Variants in ATG16L1 observed in about 807,000 individuals in gnomAD.
ATG16L1 encodes autophagy related 16 like 1.
In ATG16L1, 37 loss-of-function variants were observed where a neutral mutation model predicts 88.5. The observed-to-expected ratio is 0.42, with a 90% CI of 0.32 to 0.55. The LOEUF is 0.55. Among genes scored for constraint, ATG16L1 ranks in the 20% least tolerant of loss-of-function variants. The probability of loss-of-function intolerance (pLI) is 0.13; values close to 1 mark genes in which losing one functional copy is unlikely to be tolerated. For missense variants in ATG16L1, 554 were observed against 752.8 expected, an observed-to-expected ratio of 0.74 and a Z score of 3.09; for synonymous variants, 301 against 281.0, an observed-to-expected ratio of 1.07 and a Z score of -0.71.
intron 1 of ATG16L1, among the ~76,000 whole-genome samples, chr2:233,254,808 G>A (rs1244030957): frequency 6.6e-6 from 1 of 152,062 alleles, no homozygotes; most frequent in African/African-American, 2.4e-5. Context: ...CAAAAAGTGG[G>A]ACTCAAAACT....
At chr2:233,253,385 C>T (rs1194279978) in intron 1 of ATG16L1, among the ~76,000 whole-genome samples, 1 of 125,600 alleles carries the variant, frequency 8.0e-6, no homozygotes, top group Non-Finnish European at 1.6e-5. Context: ...TGCTCTGTCA[C>T]CTAGGCTGGA....
chr2:233,266,945 G>A (rs1201565775), intron 5 of ATG16L1, among the ~76,000 whole-genome samples: 1 of 152,206 alleles, frequency 6.6e-6, no homozygotes, highest in Non-Finnish European at 1.5e-5. Flanking sequence ...TAGAGATACA[G>A]AGTATAACTG....
At chr2:233,276,728 C>T (rs137870457) in intron 9 of ATG16L1, among the ~76,000 whole-genome samples, 19 of 152,342 alleles carry the variant, frequency 1.2e-4, no homozygotes, top group Non-Finnish European at 2.4e-4. Context: ...CTGCCCACCT[C>T]GGTCTCCCGA....
At position 233,273,763 on chromosome 2, in the gene ATG16L1, C is replaced by T; in HGVS notation, c.837C>T (p.Ile279=). 1.2e-6 allele frequency: 2 copies of T among 1,614,168 alleles called. No individual in the cohort carries two copies. Among genetic ancestry groups the T allele is most frequent in the Non-Finnish European group, 1.7e-6 (2 of 1,179,988 alleles). The change falls in exon 8 of 18, where the codon ATC becomes ATT. Residue 279 remains isoleucine (I), a synonymous_variant. Transcript: ENST00000392017. ...CTGCTGGAGGCCTTCTGGATTCTAT[C>T]ACTAATATCTTTGGGTAGGTTAGAA... ...SQPAGGLLDS[I]TNIFGRRSVS...
At chr2:233,290,416 T>G in intron 14 of ATG16L1, 63 bp downstream of exon 14, 2 of 1,327,440 alleles carry the variant, frequency 1.5e-6, no homozygotes. Flanking sequence ...GTTCTGTACA[T>G]GGGTTGTGCT....
intron 1 of ATG16L1, 64 bp from the exon 2 acceptor site, chr2:233,256,038 G>T: frequency 7.6e-7 from 1 of 1,323,736 alleles, no homozygotes; most frequent in Non-Finnish European, 1.1e-6. Context: ...GACAAGGTAG[G>T]TACCTAGCAA....
chr2:233,282,762 C>G lies in ATG16L1; in HGVS notation c.1203+9C>G. The G allele has an allele frequency of 6.2e-7, 1 of 1,613,234 alleles. No homozygotes were observed. Among genetic ancestry groups the G allele is most frequent in the Non-Finnish European group, 8.5e-7 (1 of 1,179,280 alleles). Reference sequence around the variant, plus strand: ...ATGATTATCGATTACGGGTAAGACCCAGTTAAGAAAGTTAGTGCAATCTCC... The same window carrying G: ...ATGATTATCGATTACGGGTAAGACCGAGTTAAGAAAGTTAGTGCAATCTCC... On this transcript the variant is annotated intron_variant, in intron 12 of 17. Transcript: ENST00000392017.
chr2:233,252,317 A>G (rs1696431797), intron 1 of ATG16L1, among the ~76,000 whole-genome samples: 1 of 152,144 alleles, frequency 6.6e-6, no homozygotes, highest in Non-Finnish European at 1.5e-5. Context: ...TTCTCAATGC[A>G]CTGGAACGGG....
At chr2:233,284,948 T>C (rs1159278502) in intron 12 of ATG16L1, among the ~76,000 whole-genome samples, 1 of 152,236 alleles carries the variant, frequency 6.6e-6, no homozygotes, top group Non-Finnish European at 1.5e-5. Flanking sequence ...GGTCCGAACA[T>C]GCAAAATAAC....
intron 12 of ATG16L1, among the ~76,000 whole-genome samples, chr2:233,288,461 T>C (rs1022880543): frequency 5.3e-5 from 8 of 152,074 alleles, no homozygotes; most frequent in African/African-American, 1.9e-4. Flanking sequence ...CGAATTTTTT[T>C]GTAGAGATGA....
chr2:233,275,832 A>T (rs940662903), intron 9 of ATG16L1: 1 of 519,044 alleles, frequency 1.9e-6, no homozygotes, highest in Non-Finnish European at 3.8e-6. Flanking sequence ...CATTTAAGTC[A>T]TGTGTATGGG....
chr2:233,290,801 T>C (rs1331510603), intron 14 of ATG16L1, among the ~76,000 whole-genome samples: 2 of 152,144 alleles, frequency 1.3e-5, no homozygotes, highest in African/African-American at 4.8e-5. Flanking sequence ...TGGTGGCTGA[T>C]ACATGGCAAG....
At chr2:233,294,106 T>G in intron 17 of ATG16L1, 151 bp from the exon 18 acceptor site, 1 of 555,430 alleles carries the variant, frequency 1.8e-6, no homozygotes, top group Non-Finnish European at 3.1e-6. Context: ...GTTAGTGAGC[T>G]CCTGCCTTGT....
chr2:233,266,467 C>CA, intron 5 of ATG16L1, among the ~76,000 whole-genome samples: 1 of 152,008 alleles, frequency 6.6e-6, no homozygotes, highest in East Asian at 1.9e-4. Context: ...CAGAAACAAA[C>CA]AAAAAAGCTC....
intron 12 of ATG16L1, among the ~76,000 whole-genome samples, chr2:233,285,360 G>T (rs550816450): frequency 6.6e-6 from 1 of 152,328 alleles, no homozygotes; most frequent in East Asian, 1.9e-4. Flanking sequence ...GTCCTATACA[G>T]GTGGGCATCA....
At chr2:233,258,035 A>C (rs946378781) in intron 2 of ATG16L1, among the ~76,000 whole-genome samples, 38 of 151,014 alleles carry the variant, frequency 2.5e-4, no homozygotes, top group African/African-American at 9.2e-4. Context: ...ATATCTATAT[A>C]TCTATATATC....
At chr2:233,259,152 G>A (rs1697021150) in intron 2 of ATG16L1, among the ~76,000 whole-genome samples, 1 of 152,142 alleles carries the variant, frequency 6.6e-6, no homozygotes, top group African/African-American at 2.4e-5. Context: ...CCACCTCCTT[G>A]AAAACAGGGA....
chr2:233,276,026 A>C (rs1698341029), intron 9 of ATG16L1: 1 of 504,746 alleles, frequency 2.0e-6, no homozygotes, highest in Non-Finnish European at 4.0e-6. Context: ...GAAACCATAA[A>C]AAAGAAAAGG....
chr2:233,257,578 A>G (rs570556212), intron 2 of ATG16L1, among the ~76,000 whole-genome samples: 17 of 152,356 alleles, frequency 1.1e-4, no homozygotes, highest in Admixed American at 3.9e-4. Context: ...TCAACCTACT[A>G]TATATTTTCA....
Sources: allele counts gnomAD v4.1 joint callset (sites outside exome capture counted in the v4.1 genomes callset), GRCh38; gene constraint gnomAD v4.1.1; transcripts MANE v1.5; gene names NCBI Gene and HGNC (gene_info 2026-07-23, HGNC 2026-07-21).